Variants in NBAS observed in about 807,000 individuals in gnomAD.
The protein encoded by NBAS is NAG/BC035112 fusion.
A neutral mutation model predicts 302.5 loss-of-function variants in NBAS; 219 were observed. That is an observed-to-expected ratio of 0.72 (90% CI 0.65 to 0.81). The LOEUF (loss-of-function observed/expected upper bound fraction) is 0.81. Ranked by LOEUF, NBAS falls within the 30% of genes least tolerant of loss-of-function variation. NBAS has a pLI of 0.00. For synonymous variants in NBAS, 1,118 were observed against 1,021.6 expected, an observed-to-expected ratio of 1.09 and a Z score of -1.80; for missense variants, 2,932 against 2,841.6, an observed-to-expected ratio of 1.03 and a Z score of -0.72.
At chr2:15,545,511 A>G (rs1008537144) in intron 6 of NBAS, among the ~76,000 whole-genome samples, 1 of 152,232 alleles carries the variant, frequency 6.6e-6, no homozygotes, top group Non-Finnish European at 1.5e-5. Flanking sequence ...ACAGAAGGGT[A>G]ATAGGGAATA....
chr2:15,541,842 C>T (rs1184080511), intron 6 of NBAS, among the ~76,000 whole-genome samples: 2 of 68,550 alleles, frequency 2.9e-5, no homozygotes, highest in South Asian at 4.9e-4. Flanking sequence ...CCGCCCCGTC[C>T]GGGAGGGAGG....
chr2:14,823,237 GT>G, the NBAS span, among the ~76,000 whole-genome samples: 1 of 152,322 alleles, frequency 6.6e-6, no homozygotes, highest in African/African-American at 2.4e-5. Context: ...TGCTCTGTAA[GT>G]GTTCAAATTG....
chr2:15,165,742 C>T (rs73915049), downstream of NBAS, among the ~76,000 whole-genome samples: 2,022 of 152,292 alleles, frequency 0.013, 44 homozygotes, highest in African/African-American at 0.047. Context: ...CAGGGAGCCC[C>T]GTTACATTCA....
At chr2:15,478,400 C>T in intron 12 of NBAS, 111 bp from the exon 13 acceptor site, 1 of 783,442 alleles carries the variant, frequency 1.3e-6, no homozygotes, top group Non-Finnish European at 2.2e-6. Context: ...CCCTTGATCT[C>T]TCAATTACAA....
chr2:15,241,830 C>T (rs1667879852), intron 44 of NBAS, among the ~76,000 whole-genome samples: 1 of 152,132 alleles, frequency 6.6e-6, no homozygotes, highest in Non-Finnish European at 1.5e-5. Context: ...TTTCTCAGCA[C>T]GGAACTCAAG....
intron 44 of NBAS, among the ~76,000 whole-genome samples, chr2:15,250,848 T>C (rs1007865199): frequency 3.3e-5 from 5 of 152,212 alleles, no homozygotes; most frequent in Admixed American, 2.0e-4. Flanking sequence ...GGAACGCTTT[T>C]ACACTGTTGG....
At chr2:15,507,728 T>C (rs1661939912) in intron 10 of NBAS, among the ~76,000 whole-genome samples, 1 of 152,236 alleles carries the variant, frequency 6.6e-6, no homozygotes, top group Admixed American at 6.5e-5. Context: ...TAGCTGTTCT[T>C]CCCATATGCA....
chr2:15,292,973 C>G (rs1260126355), intron 40 of NBAS, among the ~76,000 whole-genome samples: 1 of 152,168 alleles, frequency 6.6e-6, no homozygotes, highest in African/African-American at 2.4e-5. Context: ...GGACACAGAA[C>G]TAGGCCCAAA....
At chr2:14,880,716 T>C in the NBAS span, among the ~76,000 whole-genome samples, 3 of 152,112 alleles carry the variant, frequency 2.0e-5, no homozygotes, top group Admixed American at 6.5e-5. Context: ...TCAACATATA[T>C]ATTTTCTGGA....
At chr2:14,908,675 T>C in the NBAS span, among the ~76,000 whole-genome samples, 1 of 152,200 alleles carries the variant, frequency 6.6e-6, no homozygotes, top group Non-Finnish European at 1.5e-5. Context: ...TTGATTTCCG[T>C]GCTGATTGAT....
the NBAS span, among the ~76,000 whole-genome samples, chr2:14,844,253 C>T: frequency 6.6e-6 from 1 of 152,022 alleles, no homozygotes; most frequent in African/African-American, 2.4e-5. Context: ...ATCGTGAGGG[C>T]CCTGTTCCAG....
At chr2:15,014,923 T>C in the NBAS span, among the ~76,000 whole-genome samples, 1,451 of 151,572 alleles carry the variant, frequency 9.6e-3, 27 homozygotes, top group African/African-American at 0.034. Context: ...AATACCCAAA[T>C]AATAAAATCA....
chr2:15,281,909 C>G (rs527991087), intron 42 of NBAS, among the ~76,000 whole-genome samples: 3 of 152,188 alleles, frequency 2.0e-5, no homozygotes, highest in South Asian at 4.1e-4. Context: ...ATCACTTCCA[C>G]TTTCATAATG....
the NBAS span, among the ~76,000 whole-genome samples, chr2:15,135,524 G>C: frequency 6.6e-6 from 1 of 152,138 alleles, no homozygotes; most frequent in Non-Finnish European, 1.5e-5. Flanking sequence ...CCTGCTGCAC[G>C]GTACACAGAG....
chr2:15,182,746 T>C (rs1664887903), intron 50 of NBAS, among the ~76,000 whole-genome samples: 1 of 152,192 alleles, frequency 6.6e-6, no homozygotes. Flanking sequence ...GAAGGATACA[T>C]AACTTTTGAG....
At chr2:15,341,247 A>G (rs888223608) in intron 35 of NBAS, among the ~76,000 whole-genome samples, 4 of 152,078 alleles carry the variant, frequency 2.6e-5, no homozygotes, top group Admixed American at 6.6e-5. Context: ...TTAACCGGGT[A>G]TGGTGGCACA....
the NBAS span, among the ~76,000 whole-genome samples, chr2:14,798,914 T>C: frequency 2.1e-4 from 32 of 152,100 alleles, no homozygotes; most frequent in Admixed American, 2.6e-4. Context: ...AGTAATGTCA[T>C]ATATTTCATT....
intron 48 of NBAS, among the ~76,000 whole-genome samples, chr2:15,216,765 T>C (rs545128092): frequency 2.6e-5 from 4 of 152,306 alleles, no homozygotes; most frequent in South Asian, 4.1e-4. Context: ...ATATGGACAT[T>C]TTCCCCTTTT....
chr2:14,896,705 G>A, the NBAS span, among the ~76,000 whole-genome samples: 1 of 152,068 alleles, frequency 6.6e-6, no homozygotes, highest in Non-Finnish European at 1.5e-5. Flanking sequence ...CTCGTTAAGG[G>A]TACAGAAGAC....
Sources: gnomAD v4.1 joint callset for allele counts (sites outside exome capture counted in the v4.1 genomes callset) on GRCh38, gnomAD v4.1.1 for gene constraint, MANE v1.5 for transcripts, NCBI Gene and HGNC (gene_info 2026-07-23, HGNC 2026-07-21) for gene names.